Variants in TENM2 observed in about 807,000 individuals in gnomAD.
TENM2 encodes the protein teneurin-2.
TENM2 carries 52 observed loss-of-function variants against 245.2 expected under a neutral mutation model. The observed-to-expected ratio is 0.21, with a 90% CI of 0.17 to 0.27. TENM2 has a LOEUF of 0.27. TENM2 is among the 10% of genes least tolerant of loss of function. The pLI, the probability that TENM2 is intolerant of heterozygous loss-of-function variation, is 1.00. For synonymous variants in TENM2, 1,363 were observed against 1,438.9 expected (o/e 0.95, Z 1.19); for missense variants, 3,046 against 3,666.8 (o/e 0.83, Z 4.37).
chr5:167,759,729 C>T (rs933189558), intron 2 of TENM2, among the ~76,000 whole-genome samples: 13 of 152,144 alleles, frequency 8.5e-5, no homozygotes, highest in Admixed American at 8.5e-4. Context: ...GCTGGTTGAC[C>T]TGGGAGGAGG....
intron 2 of TENM2, among the ~76,000 whole-genome samples, chr5:167,750,239 C>T (rs1561736909): frequency 6.6e-6 from 1 of 152,258 alleles, no homozygotes; most frequent in African/African-American, 2.4e-5. Context: ...TTCCCCATCA[C>T]CCTTCCCTTG....
At chr5:167,465,077 C>A (rs1003568824) in intron 2 of TENM2, among the ~76,000 whole-genome samples, 1 of 152,200 alleles carries the variant, frequency 6.6e-6, no homozygotes, top group East Asian at 1.9e-4. Context: ...TTTGGATATT[C>A]ACACATTACT....
Position 168,246,433 on chromosome 5 carries a change from G to C in TENM2, c.5818-324G>C, listed in dbSNP as rs145586512. On this transcript the variant is annotated intron_variant, in intron 26 of 28. Coordinates refer to ENST00000518659, the Ensembl canonical transcript of TENM2. The stretch of plus-strand genomic sequence containing the variant: ...CCTCAATTCTTAAAGTATCATCCAA[G>C]CAACATTGGCATTTGCAGGGAGTTT... Among the ~76,000 whole-genome samples, 3 of 152,176 alleles carry C rather than the reference G, an allele frequency of 2.0e-5. No homozygotes were observed. In the East Asian group the frequency reaches 5.8e-4, roughly 29 times the overall value.
chr5:167,706,409 G>T (rs1050586312), intron 2 of TENM2, among the ~76,000 whole-genome samples: 3 of 148,322 alleles, frequency 2.0e-5, no homozygotes, highest in Non-Finnish European at 3.0e-5. Context: ...ATATATATAA[G>T]AAAATGTGAC....
intron 2 of TENM2, among the ~76,000 whole-genome samples, chr5:167,397,463 C>A (rs975709744): frequency 6.6e-6 from 1 of 151,612 alleles, no homozygotes; most frequent in Non-Finnish European, 1.5e-5. Flanking sequence ...GTATATGGAC[C>A]CGTGATTGAT....
chr5:167,141,545 A>G, the TENM2 span, among the ~76,000 whole-genome samples: 1 of 152,228 alleles, frequency 6.6e-6, no homozygotes, highest in South Asian at 2.1e-4. Context: ...ATATGCTGGT[A>G]CAGACATATA....
intron 2 of TENM2, among the ~76,000 whole-genome samples, chr5:167,558,187 T>C (rs1012579826): frequency 1.3e-5 from 2 of 152,116 alleles, no homozygotes; most frequent in African/African-American, 4.8e-5. Flanking sequence ...TGGTCTGACT[T>C]TGAATTTTCT....
chr5:167,942,663 G>A (rs780780957), intron 3 of TENM2, among the ~76,000 whole-genome samples: 2 of 152,154 alleles, frequency 1.3e-5, no homozygotes, highest in African/African-American at 4.8e-5. Flanking sequence ...TCTTCAAGGT[G>A]AGGGTGAGAG....
intron 2 of TENM2, among the ~76,000 whole-genome samples, chr5:167,846,653 T>G (rs1428508472): frequency 6.6e-6 from 1 of 152,202 alleles, no homozygotes. Flanking sequence ...TAGAATATTT[T>G]AGGTTTCTTT....
chr5:167,779,745 G>T (rs116720777), intron 2 of TENM2, among the ~76,000 whole-genome samples: 1,915 of 152,296 alleles, frequency 0.013, 42 homozygotes, highest in African/African-American at 0.043. Flanking sequence ...GTCTCAGAGA[G>T]AAAGGCTTTC....
chr5:168,014,905 G>A (rs1399506863), intron 5 of TENM2, among the ~76,000 whole-genome samples: 2 of 152,228 alleles, frequency 1.3e-5, no homozygotes, highest in African/African-American at 4.8e-5. Flanking sequence ...TCATGAGGCT[G>A]AAGTGCTGTT....
chr5:167,706,887 C>T (rs928236845), intron 2 of TENM2, among the ~76,000 whole-genome samples: 2 of 151,664 alleles, frequency 1.3e-5, no homozygotes, highest in South Asian at 2.1e-4. Context: ...TGGTGGCAGG[C>T]GCCTGTAGTC....
the TENM2 span, among the ~76,000 whole-genome samples, chr5:167,008,456 A>G: frequency 1.2e-4 from 18 of 152,024 alleles, no homozygotes; most frequent in African/African-American, 2.9e-4. Flanking sequence ...CAGTCTTTCA[A>G]TTTTTTCTTA....
At chr5:168,199,159 C>T (rs763988033) in intron 16 of TENM2, 45 bp downstream of exon 18, 45 of 1,577,808 alleles carry the variant, frequency 2.9e-5, no homozygotes, top group East Asian at 2.5e-4. Flanking sequence ...ACTTCCCTAA[C>T]GAAAACCAAC....
chr5:167,358,259 A>G, intron 1 of TENM2, among the ~76,000 whole-genome samples: 1 of 152,280 alleles, frequency 6.6e-6, no homozygotes, highest in South Asian at 2.1e-4. Context: ...ACTTTCACAT[A>G]TACCCCTCCA....
intron 2 of TENM2, among the ~76,000 whole-genome samples, chr5:167,542,373 A>G (rs1057188895): frequency 2.0e-5 from 3 of 152,168 alleles, no homozygotes; most frequent in East Asian, 1.9e-4. Context: ...GGAGCTCACC[A>G]TCAGGTCTTT....
intron 2 of TENM2, among the ~76,000 whole-genome samples, chr5:167,807,624 TAAAAAA>T (rs11287928): frequency 0.013 from 2,000 of 149,704 alleles, 40 homozygotes; most frequent in African/African-American, 0.046. Context: ...GCATTTTTTT[TAAAAAA>T]AAAAAAAAAG....
intron 2 of TENM2, among the ~76,000 whole-genome samples, chr5:167,700,850 C>T (rs1296099460): frequency 6.7e-6 from 1 of 149,088 alleles, no homozygotes; most frequent in African/African-American, 2.5e-5. Flanking sequence ...TGTTCAGTAC[C>T]ATTATCCTTC....
At chr5:167,225,467 T>C in the TENM2 span, among the ~76,000 whole-genome samples, 1 of 152,092 alleles carries the variant, frequency 6.6e-6, no homozygotes, top group Admixed American at 6.6e-5. Flanking sequence ...GTATTAAGTT[T>C]ATTGATTTGC....
Sources: gnomAD v4.1 joint callset for allele counts (sites outside exome capture counted in the v4.1 genomes callset) on GRCh38, gnomAD v4.1.1 for gene constraint, MANE v1.5 for transcripts, NCBI Gene and HGNC (gene_info 2026-07-23, HGNC 2026-07-21) for gene names.